The following MDM4 variants were observed in gnomAD, a reference collection of about 807,000 sequenced individuals.
MDM4 encodes the protein protein Mdm4.
MDM4 carries 2 observed loss-of-function variants against 60.2 expected under a neutral mutation model. The ratio of observed to expected loss-of-function variants is 0.03; its 90% confidence interval spans 0.01 to 0.10. MDM4 has a LOEUF of 0.10. MDM4 is among the 10% of genes least tolerant of loss of function. The pLI is 1.00. For missense variants in MDM4, 447 were observed against 577.5 expected (o/e 0.77, Z 2.32); for synonymous variants, 202 against 198.1 (o/e 1.02, Z -0.17).
At chr1:204,539,622 C>T (rs1326513505) in intron 7 of MDM4, among the ~76,000 whole-genome samples, 1 of 150,690 alleles carries the variant, frequency 6.6e-6, no homozygotes, top group Non-Finnish European at 1.5e-5. Flanking sequence ...CAACAACCTC[C>T]ACCTCCCGTG....
In MDM4 at chr1:204,557,217, G is replaced by T. The variant is rs1041445635; in HGVS notation, c.*7535G>T. On this transcript the variant is annotated 3_prime_UTR_variant, in exon 11 of 11. Coordinates refer to ENST00000367182, the MANE Select transcript of MDM4 (RefSeq NM_002393.5). The stretch of plus-strand genomic sequence containing the variant: ...GAGCACTAGCTCCCCTTTATTGCCT[G>T]CCTGGCAGAGCCTGTTTGATTACTG... The T allele has an allele frequency of 1.6e-5, 3 of 192,936 alleles. No individual in the cohort carries two copies. Among genetic ancestry groups the T allele is most frequent in the Non-Finnish European group, 3.2e-5 (3 of 92,462 alleles). The allele number at this position is 192,936 out of a possible 1,614,324, so 12.0% of individuals were successfully genotyped here. A position where few individuals can be genotyped will look rare whatever the true frequency, so the allele number is the denominator to read the frequency against.
intron 6 of MDM4, chr1:204,537,917 C>T (rs1471949389): frequency 4.3e-6 from 3 of 694,202 alleles, no homozygotes; most frequent in Non-Finnish European, 8.2e-6. Flanking sequence ...CTGAATTATG[C>T]CTAATTTTGT....
Position 204,557,036 on chromosome 1 carries a change from C to T in MDM4, c.*7354C>T, listed in dbSNP as rs1207846537. The T allele has an allele frequency of 1.5e-5, 3 of 203,710 alleles. No individual in the cohort carries two copies. The highest frequency in any genetic ancestry group is 3.0e-5 in the Non-Finnish European group (3 of 99,352). 12.6% of individuals were successfully genotyped at this position (203,710 alleles called of 1,614,324 possible). ...CATATATAAAAAGCAGTATACATAC[C>T]TACCCTTTTCTACCTCATCATTTGT... is the stretch of plus-strand genomic sequence containing the variant. On this transcript the variant is annotated 3_prime_UTR_variant, in exon 11 of 11. Coordinates refer to ENST00000367182, the MANE Select transcript of MDM4 (RefSeq NM_002393.5).
At position 204,542,154 on chromosome 1, in the gene MDM4, C is replaced by T. The variant is rs180796460; in HGVS notation, c.512-630C>T. 5.8e-4 allele frequency among the ~76,000 whole-genome samples: 89 copies of T among 152,278 alleles called. 1 individual carries two copies. The highest frequency in any genetic ancestry group is 1.9e-3 in the African/African-American group (77 of 41,540). On this transcript the variant is annotated intron_variant, in intron 7 of 10. Coordinates refer to ENST00000367182, the MANE Select transcript of MDM4 (RefSeq NM_002393.5). ...TAACTCTAAGAGCCCATTGATCCAG[C>T]GAGGGCATATGTATGTATTTGGACA... is the stretch of plus-strand genomic sequence containing the variant.
At position 204,554,165 on chromosome 1, in the gene MDM4, ATTC is replaced by A. The variant is rs567156515; in HGVS notation, c.*4488_*4490del. 60 of 227,944 alleles carry A rather than the reference ATTC, an allele frequency of 2.6e-4. No individual in the cohort carries two copies. The highest frequency in any genetic ancestry group is 1.3e-3 in the African/African-American group (59 of 45,182). 14.1% of individuals were successfully genotyped at this position (227,944 alleles called of 1,614,324 possible). ...TGAAGTCTTTGATATATTGGTGAAT[ATTC>A]TTCTGATCTATAATACAAAGCTATG... On this transcript the variant is annotated 3_prime_UTR_variant, in exon 11 of 11. Coordinates refer to ENST00000367182, the MANE Select transcript of MDM4 (RefSeq NM_002393.5).
intron 5 of MDM4, chr1:204,532,456 G>A (rs370920687): frequency 1.4e-4 from 79 of 566,056 alleles, no homozygotes; most frequent in Non-Finnish European, 2.1e-4. Flanking sequence ...CTTTCTAGAC[G>A]TACTGTTAAC....
chr1:204,541,652 A>G (rs750885059), intron 7 of MDM4, among the ~76,000 whole-genome samples: 1 of 152,196 alleles, frequency 6.6e-6, no homozygotes, highest in Non-Finnish European at 1.5e-5. Context: ...CATTTCCTTC[A>G]TAAGTTGTAG....
In MDM4 at chr1:204,557,994, C is replaced by T. The variant is rs1172534225; in HGVS notation, c.*8312C>T. 2 of 185,648 alleles carry T rather than the reference C, an allele frequency of 1.1e-5. No homozygotes were observed. Among genetic ancestry groups the T allele is most frequent in the African/African-American group, 4.7e-5 (2 of 42,536 alleles). 11.5% of individuals were successfully genotyped at this position (185,648 alleles called of 1,614,324 possible). On this transcript the variant is annotated 3_prime_UTR_variant, in exon 11 of 11. Transcript: ENST00000367182. Reference sequence around the variant, plus strand: ...GAAAGAGGAAGGCATTTTCTGCATTCTTGCCTAGTTTTCCTTATAAGCACC... The same window carrying T: ...GAAAGAGGAAGGCATTTTCTGCATTTTTGCCTAGTTTTCCTTATAAGCACC...
intron 7 of MDM4, among the ~76,000 whole-genome samples, chr1:204,540,843 A>G (rs1662000523): frequency 6.6e-6 from 1 of 152,330 alleles, no homozygotes; most frequent in Non-Finnish European, 1.5e-5. Flanking sequence ...GTAAAATCAT[A>G]AATTCCCCAA....
At chr1:204,528,053 C>T (rs1428127193) in intron 3 of MDM4, among the ~76,000 whole-genome samples, 1 of 150,418 alleles carries the variant, frequency 6.6e-6, no homozygotes, top group Non-Finnish European at 1.5e-5. Flanking sequence ...CTTTTTTTCC[C>T]CAAACTTATT....
chr1:204,532,004 C>T (rs1226176434), intron 4 of MDM4, among the ~76,000 whole-genome samples, 187 bp from the exon 5 acceptor site: 1 of 152,138 alleles, frequency 6.6e-6, no homozygotes, highest in Non-Finnish European at 1.5e-5. Context: ...ACACAGGGGC[C>T]TGGGCATTAA....
At chr1:204,529,596 C>T (rs1353655242) in intron 3 of MDM4, 2 of 1,336,462 alleles carry the variant, frequency 1.5e-6, no homozygotes. Flanking sequence ...ATACTGCCCT[C>T]CACTACTGGG....
chr1:204,553,393 C>T lies in MDM4; in HGVS notation c.*3711C>T, dbSNP rs1663359443. On this transcript the variant is annotated 3_prime_UTR_variant, in exon 11 of 11. Coordinates refer to ENST00000367182, the MANE Select transcript of MDM4 (RefSeq NM_002393.5). Reference sequence around the variant, plus strand: ...TTTCTGGAGACTGCCAAATTGCTCCCATTTTTCTGCATCCCACCTGGTTTC... The same window carrying T: ...TTTCTGGAGACTGCCAAATTGCTCCTATTTTTCTGCATCCCACCTGGTTTC... 4.4e-6 allele frequency: 1 copy of T among 225,722 alleles called. No individual in the cohort carries two copies. Among genetic ancestry groups the T allele is most frequent in the East Asian group, 6.4e-5 (1 of 15,616 alleles). 14.0% of individuals were successfully genotyped at this position (225,722 alleles called of 1,614,324 possible).
At chr1:204,544,254 C>G (rs1334710959) in intron 8 of MDM4, among the ~76,000 whole-genome samples, 1 of 152,206 alleles carries the variant, frequency 6.6e-6, no homozygotes, top group African/African-American at 2.4e-5. Flanking sequence ...ACTACAAGTC[C>G]TTACCTTTTA....
rs181145690 is a variant in MDM4 at position 204,553,348 on chromosome 1, T to C, written c.*3666T>C. On this transcript the variant is annotated 3_prime_UTR_variant, in exon 11 of 11. Transcript: ENST00000367182. ...GACATTTACCTTTTAGCTGTAGTTA[T>C]TGGGACCATGTGCTCTGGTTTTCTG... The C allele has an allele frequency of 1.6e-3, 349 of 222,778 alleles. 1 individual carries two copies. Among genetic ancestry groups the C allele is most frequent in the African/African-American group, 7.1e-3 (320 of 45,024 alleles). 13.8% of individuals were successfully genotyped at this position (222,778 alleles called of 1,614,324 possible). A position where few individuals can be genotyped will look rare whatever the true frequency, so the allele number is the denominator to read the frequency against.
intron 1 of MDM4, among the ~76,000 whole-genome samples, chr1:204,523,283 C>T (rs1286196530): frequency 6.7e-6 from 1 of 148,548 alleles, no homozygotes; most frequent in Non-Finnish European, 1.5e-5. Flanking sequence ...TCCTGGCTAA[C>T]ATGGTGAAAC....
Position 204,541,510 on chromosome 1 carries a change from A to T in MDM4, c.512-1274A>T, listed in dbSNP as rs560445000. Among the ~76,000 whole-genome samples the T allele has an allele frequency of 2.6e-5, 4 of 152,280 alleles. No individual in the cohort carries two copies. The East Asian group carries it at 7.7e-4, about 29-fold the overall frequency. The stretch of plus-strand genomic sequence containing the variant: ...AAAAAAGTTGGGGGCAAGGGCAGGT[A>T]TTTAAGAATAGCCAACTCAAGGGGG... On this transcript the variant is annotated intron_variant, in intron 7 of 10. Coordinates refer to ENST00000367182, the MANE Select transcript of MDM4 (RefSeq NM_002393.5).
Position 204,539,889 on chromosome 1 carries a change from A to G in MDM4, c.511+1581A>G, listed in dbSNP as rs369969982. ...TAGAAAATTTAACACCTGACCTCAT[A>G]TGACAGGTTGCAGTGAAAACTTAGT... On this transcript the variant is annotated intron_variant, in intron 7 of 10. Transcript: ENST00000367182. Among the ~76,000 whole-genome samples, 137 of 152,290 alleles carry G rather than the reference A, an allele frequency of 9.0e-4. 1 individual carries two copies. The highest frequency in any genetic ancestry group is 3.1e-3 in the African/African-American group (130 of 41,558).
chr1:204,531,779 C>T (rs1409852589), intron 4 of MDM4, among the ~76,000 whole-genome samples: 3 of 152,010 alleles, frequency 2.0e-5, no homozygotes, highest in Non-Finnish European at 2.9e-5. Flanking sequence ...TTGCAGTGAG[C>T]TGAGATTGTG....
Sources: gnomAD v4.1 joint callset for allele counts (sites outside exome capture counted in the v4.1 genomes callset) on GRCh38, gnomAD v4.1.1 for gene constraint, MANE v1.5 for transcripts, NCBI Gene and HGNC (gene_info 2026-07-23, HGNC 2026-07-21) for gene names.